Variants in PRR16 observed in about 807,000 individuals in gnomAD.
The protein encoded by PRR16 is protein Largen.
PRR16 carries 6 observed loss-of-function variants against 18.2 expected under a neutral mutation model. The ratio of observed to expected loss-of-function variants is 0.33; its 90% CI spans 0.18 to 0.65. The LOEUF is 0.65. PRR16 is among the 30% of genes least tolerant of loss of function. The probability of loss-of-function intolerance (pLI) is 0.74; values close to 1 mark genes in which losing one functional copy is unlikely to be tolerated. For synonymous variants in PRR16, 151 were observed against 147.8 expected (o/e 1.02, Z -0.16); for missense variants, 412 against 376.6 (o/e 1.09, Z -0.78).
chr5:120,672,142 CAGG>C (rs1185771024), intron 1 of PRR16, among the ~76,000 whole-genome samples: 2 of 152,002 alleles, frequency 1.3e-5, no homozygotes, highest in Non-Finnish European at 2.9e-5. Context: ...AGCACACGGA[CAGG>C]AGCTCTAGGG....
chr5:120,503,974 A>C (rs546896367), intron 1 of PRR16, among the ~76,000 whole-genome samples: 2 of 151,992 alleles, frequency 1.3e-5, no homozygotes, highest in East Asian at 3.9e-4. Context: ...TGAACTCATC[A>C]TTTTTTATGG....
At chr5:120,754,221 TATATA>T in the PRR16 span, among the ~76,000 whole-genome samples, 264 of 60,332 alleles carry the variant, frequency 4.4e-3, 8 homozygotes, top group Middle Eastern at 0.038. Flanking sequence ...TATATTATAA[TATATA>T]ATATAATATA....
intron 1 of PRR16, among the ~76,000 whole-genome samples, chr5:120,574,098 A>C (rs912088257): frequency 1.1e-4 from 17 of 152,106 alleles, no homozygotes; most frequent in African/African-American, 3.9e-4. Context: ...TAACCTCAAA[A>C]ACATCAATTG....
At chr5:120,557,874 A>G (rs1752464817) in intron 1 of PRR16, among the ~76,000 whole-genome samples, 1 of 151,922 alleles carries the variant, frequency 6.6e-6, no homozygotes, top group African/African-American at 2.4e-5. Context: ...TTGGAACCTC[A>G]TAATGTTTAG....
chr5:120,671,373 A>G (rs1326466252), intron 1 of PRR16, among the ~76,000 whole-genome samples: 2 of 152,136 alleles, frequency 1.3e-5, no homozygotes, highest in Non-Finnish European at 2.9e-5. Context: ...TGAGAGTCCA[A>G]ATCATGAATA....
chr5:120,726,588 A>G, the PRR16 span, among the ~76,000 whole-genome samples: 1 of 152,052 alleles, frequency 6.6e-6, no homozygotes, highest in African/African-American at 2.4e-5. Flanking sequence ...ACAAATTTTA[A>G]TGTTTCTTAG....
At chr5:120,533,716 G>A (rs1255901049) in intron 1 of PRR16, among the ~76,000 whole-genome samples, 2 of 152,108 alleles carry the variant, frequency 1.3e-5, no homozygotes, top group Admixed American at 1.3e-4. Flanking sequence ...ACTAGGAGAT[G>A]AAAACAAAAA....
At chr5:120,669,216 C>T (rs888054449) in intron 1 of PRR16, among the ~76,000 whole-genome samples, 1 of 151,968 alleles carries the variant, frequency 6.6e-6, no homozygotes, top group Non-Finnish European at 1.5e-5. Context: ...ATTATTATTA[C>T]CCCAGTGTTT....
At chr5:120,775,764 G>T in the PRR16 span, among the ~76,000 whole-genome samples, 1 of 147,804 alleles carries the variant, frequency 6.8e-6, no homozygotes, top group Non-Finnish European at 1.5e-5. Context: ...CCGAGTAGCT[G>T]GGATTACAGG....
chr5:120,633,496 T>C (rs1197135590), intron 1 of PRR16, among the ~76,000 whole-genome samples: 1 of 152,072 alleles, frequency 6.6e-6, no homozygotes, highest in East Asian at 1.9e-4. Context: ...ACACAAGGAC[T>C]CACATAAACT....
the PRR16 span, among the ~76,000 whole-genome samples, chr5:120,756,551 G>T: frequency 6.6e-6 from 1 of 150,826 alleles, no homozygotes; most frequent in South Asian, 2.1e-4. Context: ...AATTAGTAAT[G>T]TGGAGCATTT....
chr5:120,544,092 A>G (rs1443316185), intron 1 of PRR16, among the ~76,000 whole-genome samples: 1 of 152,160 alleles, frequency 6.6e-6, no homozygotes, highest in Non-Finnish European at 1.5e-5. Context: ...GGTCTAAACC[A>G]AAAGTGACAA....
chr5:120,675,922 C>T (rs1756778991), intron 1 of PRR16, among the ~76,000 whole-genome samples: 1 of 151,930 alleles, frequency 6.6e-6, no homozygotes, highest in African/African-American at 2.4e-5. Flanking sequence ...AGTTTATTTC[C>T]AGAGAACAGG....
chr5:120,697,978 CG>C, the PRR16 span, among the ~76,000 whole-genome samples: 1 of 152,050 alleles, frequency 6.6e-6, no homozygotes, highest in African/African-American at 2.4e-5. Flanking sequence ...GCCATCTGGG[CG>C]TATACGTGCA....
chr5:120,729,782 A>G, the PRR16 span, among the ~76,000 whole-genome samples: 3 of 152,136 alleles, frequency 2.0e-5, no homozygotes, highest in Admixed American at 2.0e-4. Context: ...GACAAACAGC[A>G]TGGTTCCTGG....
chr5:120,546,399 C>T (rs903564906), intron 1 of PRR16, among the ~76,000 whole-genome samples: 5 of 152,100 alleles, frequency 3.3e-5, no homozygotes, highest in African/African-American at 1.2e-4. Flanking sequence ...AGTCTCTCCC[C>T]AGTACCTCAA....
intron 1 of PRR16, among the ~76,000 whole-genome samples, chr5:120,648,712 C>T (rs1291888913): frequency 3.9e-5 from 6 of 152,036 alleles, no homozygotes; most frequent in South Asian, 2.1e-4. Flanking sequence ...GGGTTAAATA[C>T]GGGGTTAGTC....
intron 1 of PRR16, among the ~76,000 whole-genome samples, chr5:120,653,379 A>T (rs1198305138): frequency 6.6e-6 from 1 of 152,086 alleles, no homozygotes; most frequent in Non-Finnish European, 1.5e-5. Context: ...ACCAAAATGC[A>T]TTTTGTGTAA....
At chr5:120,721,214 T>G in the PRR16 span, among the ~76,000 whole-genome samples, 1 of 152,080 alleles carries the variant, frequency 6.6e-6, no homozygotes, top group African/African-American at 2.4e-5. Flanking sequence ...AACATAGAGA[T>G]GTATCAGTGA....
Sources: allele counts gnomAD v4.1 joint callset (sites outside exome capture counted in the v4.1 genomes callset), GRCh38; gene constraint gnomAD v4.1.1; transcripts MANE v1.5; gene names NCBI Gene and HGNC (gene_info 2026-07-23, HGNC 2026-07-21).